ID4: variants seen among roughly 807,000 people sequenced by gnomAD.
The protein encoded by ID4 is DNA-binding protein inhibitor ID-4.
In ID4, 9 loss-of-function variants were observed where a neutral mutation model predicts 8.6. The ratio of observed to expected loss-of-function variants is 1.04; its 90% CI spans 0.63 to 1.82. The LOEUF is 1.82. ID4 is among the 40% of genes most tolerant of loss of function. The pLI is 0.00. For missense variants in ID4, 270 were observed against 235.1 expected, an observed-to-expected ratio of 1.15 and a Z score of -0.97; for synonymous variants, 180 against 118.0, an observed-to-expected ratio of 1.53 and a Z score of -3.41.
chr6:19,838,495 A>G (rs902721471), intron 1 of ID4, 89 bp from the exon 2 acceptor site: 11 of 1,564,490 alleles, frequency 7.0e-6, no homozygotes, highest in Non-Finnish European at 9.7e-6. Flanking sequence ...TCGGCGCGCC[A>G]GCCTGATTTC....
rs1387499739 is a variant in ID4, at chr6:19,837,480, G to A, written c.-275G>A. 1 of 165,330 alleles carries A rather than the reference G, an allele frequency of 6.0e-6. No homozygotes were observed. Among genetic ancestry groups the A allele is most frequent in the Admixed American group, 6.4e-5 (1 of 15,626 alleles). The allele number at this position is 165,330 out of a possible 1,614,324, so 10.2% of individuals were successfully genotyped here. On this transcript the variant is annotated 5_prime_UTR_variant, in exon 1 of 3. Transcript: ENST00000378700. ...GCTTAGTCGGAGCTCCGAAGGGAGT[G>A]ACTAGGACACCCGGGTGGGCTACTT... is the stretch of plus-strand genomic sequence containing the variant.
At position 19,840,111 on chromosome 6, in the gene ID4, A is replaced by G. The variant is rs9465545; in HGVS notation, c.*916A>G. 0.26 allele frequency: 40,358 copies of G among 152,476 alleles called. 5,890 individuals carry two copies. Among genetic ancestry groups the G allele is most frequent in the African/African-American group, 0.37 (15,400 of 41,466 alleles). The allele number at this position is 152,476 out of a possible 1,614,324, so 9.4% of individuals were successfully genotyped here. On this transcript the variant is annotated 3_prime_UTR_variant, in exon 3 of 3. Transcript: ENST00000378700. ...TGTATTTGAAGCATACATGTTGAAA[A>G]TACACCTTATCAGTTTTTAAGTACA... is the stretch of plus-strand genomic sequence containing the variant.
rs1344017105 is a variant in ID4, at chr6:19,841,693, CAA to C, written c.*2500_*2501del. Reference sequence around the variant, plus strand: ...GCAGCATTTGATGTATCTAAAGAAACAAAGTCATTGTTTATTTTTTAAAAAAT... The same window carrying C: ...GCAGCATTTGATGTATCTAAAGAAACAGTCATTGTTTATTTTTTAAAAAAT... On this transcript the variant is annotated 3_prime_UTR_variant, in exon 3 of 3. Coordinates refer to ENST00000378700, the MANE Select transcript of ID4 (RefSeq NM_001546.4). 2.0e-5 allele frequency among the ~76,000 whole-genome samples: 3 copies of C among 152,142 alleles called. No individual in the cohort carries two copies. The highest frequency in any genetic ancestry group is 4.4e-5 in the Non-Finnish European group (3 of 68,024).
chr6:19,839,251 G>C lies in ID4; in HGVS notation c.*56G>C, dbSNP rs189313667. ...GCCCGAGCCAGGAGCACTAGAGAGG[G>C]AGGGGGAAGAGCAGAAGTTAGAGAA... On this transcript the variant is annotated 3_prime_UTR_variant, in exon 3 of 3. Coordinates refer to ENST00000378700, the MANE Select transcript of ID4 (RefSeq NM_001546.4). The C allele has an allele frequency of 6.6e-6, 1 of 152,632 alleles. No individual in the cohort carries two copies. Among genetic ancestry groups the C allele is most frequent in the South Asian group, 2.1e-4 (1 of 4,840 alleles). 9.5% of individuals were successfully genotyped at this position (152,632 alleles called of 1,614,324 possible).
At chr6:19,838,853 T>G (rs1761292615) in intron 2 of ID4, 1 of 553,274 alleles carries the variant, frequency 1.8e-6, no homozygotes. Context: ...TGGAGACGGG[T>G]CAGCCCTTGT....
intron 2 of ID4, 156 bp from the exon 3 acceptor site, chr6:19,839,054 C>T (rs1340451543): frequency 9.5e-6 from 2 of 209,938 alleles, no homozygotes; most frequent in Admixed American, 5.4e-5. Flanking sequence ...GCCGCAGCTG[C>T]CTGCTCGGCG....
Position 19,837,910 on chromosome 6 carries a change from G to A in ID4, c.156G>A (p.Ala52=), listed in dbSNP as rs972205364. The part of the protein sequence containing the change: ...AAAAAAARCK[A]AEAAADEPAL... ...CGGCGGCGGCAGCGCGCTGTAAGGCGGCCGAGGCGGCGGCCGACGAGCCGG... is the reference window on the plus strand; with the variant it reads ...CGGCGGCGGCAGCGCGCTGTAAGGCAGCCGAGGCGGCGGCCGACGAGCCGG... The change falls in exon 1 of 3, where the codon GCG becomes GCA. Residue 52 remains alanine, a synonymous_variant. Coordinates refer to ENST00000378700, the MANE Select transcript of ID4 (RefSeq NM_001546.4). 7.1e-7 allele frequency: 1 copy of A among 1,415,264 alleles called. No individual in the cohort carries two copies. Among genetic ancestry groups the A allele is most frequent in the Non-Finnish European group, 9.3e-7 (1 of 1,074,866 alleles). 87.7% of individuals were successfully genotyped at this position (1,415,264 alleles called of 1,614,324 possible). A position where few individuals can be genotyped will look rare whatever the true frequency, so the allele number is the denominator to read the frequency against.
intron 2 of ID4, 49 bp downstream of exon 2, chr6:19,838,691 T>A: frequency 6.5e-7 from 1 of 1,537,696 alleles, no homozygotes; most frequent in African/African-American, 1.4e-5. Flanking sequence ...GAGACGCCCG[T>A]CCCCGAGGGC....
At position 19,839,508 on chromosome 6, in the gene ID4, C is replaced by T. The variant is rs1448424128; in HGVS notation, c.*313C>T. On this transcript the variant is annotated 3_prime_UTR_variant, in exon 3 of 3. Coordinates refer to ENST00000378700, the MANE Select transcript of ID4 (RefSeq NM_001546.4). ...ACTTTTAAGCTTAAGTGTGACAGGACTGATAAATAGAAGATCAAGAGTAGA... is the reference window on the plus strand; with the variant it reads ...ACTTTTAAGCTTAAGTGTGACAGGATTGATAAATAGAAGATCAAGAGTAGA... The T allele has an allele frequency of 6.6e-6, 1 of 152,548 alleles. No individual in the cohort carries two copies. The highest frequency in any genetic ancestry group is 2.4e-5 in the African/African-American group (1 of 41,430). 9.4% of individuals were successfully genotyped at this position (152,548 alleles called of 1,614,324 possible).
intron 2 of ID4, 56 bp from the exon 3 acceptor site, chr6:19,839,153 CA>C (rs1761302923): frequency 6.1e-6 from 1 of 162,732 alleles, no homozygotes; most frequent in African/African-American, 2.4e-5. Flanking sequence ...TCGGTGGCGC[CA>C]GTTAGTCTGC....
Position 19,840,355 on chromosome 6 carries a change from T to G in ID4, c.*1160T>G, listed in dbSNP as rs1761334526. 6.6e-6 allele frequency: 1 copy of G among 152,606 alleles called. No individual in the cohort carries two copies. Among genetic ancestry groups the G allele is most frequent in the Non-Finnish European group, 1.5e-5 (1 of 68,024 alleles). The allele number at this position is 152,606 out of a possible 1,614,324, so 9.5% of individuals were successfully genotyped here. A position where few individuals can be genotyped will look rare whatever the true frequency, so the allele number is the denominator to read the frequency against. ...CACTAAGTTTCATGTCTGTACAGAT[T>G]ATTTAAATCATGGAAATGAAAAAAA... On this transcript the variant is annotated 3_prime_UTR_variant, in exon 3 of 3. Transcript: ENST00000378700.
intron 1 of ID4, 130 bp downstream of exon 1, chr6:19,838,325 C>A: frequency 9.8e-7 from 1 of 1,022,122 alleles, no homozygotes; most frequent in Non-Finnish European, 1.3e-6. Context: ...CCTCCCCCTG[C>A]TCCTCCGGGC....
Position 19,841,862 on chromosome 6 carries a change from C to T in ID4, c.*2667C>T, listed in dbSNP as rs568339417. 4.6e-5 allele frequency among the ~76,000 whole-genome samples: 7 copies of T among 152,204 alleles called. No homozygotes were observed. The highest frequency in any genetic ancestry group is 7.4e-5 in the Non-Finnish European group (5 of 67,994). Reference sequence around the variant, plus strand: ...TACTTAGTTTAACAAAGGAAAATATCCTGACTTCTCTCATTTCATTTGTAG... The same window carrying T: ...TACTTAGTTTAACAAAGGAAAATATTCTGACTTCTCTCATTTCATTTGTAG... On this transcript the variant is annotated 3_prime_UTR_variant, in exon 3 of 3. Transcript: ENST00000378700.
rs923516171 is a variant in ID4, at chr6:19,838,195, G to A, written c.441G>A (p.Pro147=). The A allele has an allele frequency of 5.8e-6, 8 of 1,374,682 alleles. No individual in the cohort carries two copies. The Admixed American group carries it at 2.3e-4, about 40-fold the overall frequency. The allele number at this position is 1,374,682 out of a possible 1,614,324, so 85.2% of individuals were successfully genotyped here. The change falls in exon 1 of 3, where the codon CCG becomes CCA. Residue 147 remains proline, a splice_region_variant and synonymous_variant. Transcript: ENST00000378700. ...RTPLTALNTD[P]AGAVNKQGDS... ...CGCTCACTGCGCTCAACACCGACCC[G>A]GTGAGAGGCCGGGCGCCGGCCGTGG...
Position 19,837,632 on chromosome 6 carries a change from G to A in ID4, c.-123G>A, listed in dbSNP as rs545414772. On this transcript the variant is annotated 5_prime_UTR_variant, in exon 1 of 3. Transcript: ENST00000378700. ...TTGTTGGGCTCGGGAGTGTCGCGGTGCCCCGAGCGCGCCGGGCGCGGAGGC... is the reference window on the plus strand; with the variant it reads ...TTGTTGGGCTCGGGAGTGTCGCGGTACCCCGAGCGCGCCGGGCGCGGAGGC... 3 of 575,388 alleles carry A rather than the reference G, an allele frequency of 5.2e-6. No individual in the cohort carries two copies. The highest frequency in any genetic ancestry group is 4.6e-6 in the Non-Finnish European group (2 of 438,570). The allele number at this position is 575,388 out of a possible 1,614,324, so 35.6% of individuals were successfully genotyped here.
chr6:19,837,922 G>A lies in ID4; in HGVS notation c.168G>A (p.Ala56=), dbSNP rs1380127230. Residue 56 remains alanine, a synonymous_variant, in exon 1 of 3, where the codon GCG becomes GCA. Transcript: ENST00000378700. ...AAARCKAAEA[A]ADEPALCLQC... ...CGCGCTGTAAGGCGGCCGAGGCGGC[G>A]GCCGACGAGCCGGCGCTGTGCCTGC... 4.9e-6 allele frequency: 7 copies of A among 1,431,040 alleles called. No individual in the cohort carries two copies. The East Asian group carries it at 1.8e-4, about 37-fold the overall frequency. The allele number at this position is 1,431,040 out of a possible 1,614,324, so 88.6% of individuals were successfully genotyped here.
rs764749192 is a variant in ID4 at position 19,837,997 on chromosome 6, C to T, written c.243C>T (p.Thr81=). 8.1e-6 allele frequency: 13 copies of T among 1,600,860 alleles called. No homozygotes were observed. In the East Asian group the frequency reaches 1.6e-4, roughly 20 times the overall value. ...GCCGCCTGCGGAGGCTGGTGCCCAC[C>T]ATCCCGCCCAACAAGAAAGTCAGCA... ...CYSRLRRLVP[T]IPPNKKVSKV... Residue 81 remains threonine, a synonymous_variant, in exon 1 of 3, where the codon ACC becomes ACT. Coordinates refer to ENST00000378700, the MANE Select transcript of ID4 (RefSeq NM_001546.4).
chr6:19,837,568 A>G lies in ID4; in HGVS notation c.-187A>G. 1 of 268,970 alleles carries G rather than the reference A, an allele frequency of 3.7e-6. No individual in the cohort carries two copies. Among genetic ancestry groups the G allele is most frequent in the Non-Finnish European group, 6.3e-6 (1 of 158,986 alleles). The allele number at this position is 268,970 out of a possible 1,614,324, so 16.7% of individuals were successfully genotyped here. On this transcript the variant is annotated 5_prime_UTR_variant, in exon 1 of 3. Coordinates refer to ENST00000378700, the MANE Select transcript of ID4 (RefSeq NM_001546.4). Reference sequence around the variant, plus strand: ...CGGGCTGAGTGTCGCCCACTGAGCAAAGATTCCCTCGTAAAACCCAGAGCG... The same window carrying G: ...CGGGCTGAGTGTCGCCCACTGAGCAGAGATTCCCTCGTAAAACCCAGAGCG...
rs1176556108 is a variant in ID4 at position 19,841,357 on chromosome 6, T to C, written c.*2162T>C. Among the ~76,000 whole-genome samples, 1 of 152,230 alleles carries C rather than the reference T, an allele frequency of 6.6e-6. No homozygotes were observed. Among genetic ancestry groups the C allele is most frequent in the Non-Finnish European group, 1.5e-5 (1 of 68,030 alleles). On this transcript the variant is annotated 3_prime_UTR_variant, in exon 3 of 3. Transcript: ENST00000378700. Reference sequence around the variant, plus strand: ...GAATTCTAACGACTGCATTCTTTGTTATTAAAAAGGGCACAATCCTTCCTT... The same window carrying C: ...GAATTCTAACGACTGCATTCTTTGTCATTAAAAAGGGCACAATCCTTCCTT...
Sources: gnomAD v4.1 joint callset for allele counts (sites outside exome capture counted in the v4.1 genomes callset) on GRCh38, gnomAD v4.1.1 for gene constraint, MANE v1.5 for transcripts, NCBI Gene and HGNC (gene_info 2026-07-23, HGNC 2026-07-21) for gene names.